FMNL2: variants seen among roughly 807,000 people sequenced by gnomAD.
FMNL2 encodes formin-like protein 2.
In FMNL2, 51 loss-of-function variants were observed where a neutral mutation model predicts 130.2. The observed-to-expected ratio is 0.39, with a 90% CI of 0.31 to 0.49. The LOEUF is 0.49. Among genes scored for constraint, FMNL2 ranks in the 20% least tolerant of loss-of-function variants. The probability of loss-of-function intolerance (pLI) is 0.85; values close to 1 mark genes in which losing one functional copy is unlikely to be tolerated. For missense variants in FMNL2, 977 were observed against 1,316.2 expected (o/e 0.74, Z 3.99); for synonymous variants, 465 against 467.1 (o/e 1.00, Z 0.06).
chr2:152,553,732 G>A (rs1406001245), intron 4 of FMNL2, among the ~76,000 whole-genome samples: 2 of 151,118 alleles, frequency 1.3e-5, no homozygotes, highest in African/African-American at 4.9e-5. Flanking sequence ...TAAAATAAAT[G>A]TTATGTATTA....
chr2:152,554,065 C>G (rs531604293), intron 4 of FMNL2, among the ~76,000 whole-genome samples: 4 of 152,150 alleles, frequency 2.6e-5, no homozygotes, highest in Admixed American at 2.6e-4. Flanking sequence ...TTACAGATAG[C>G]TATAATGTAG....
chr2:152,401,721 G>A (rs150783028), intron 1 of FMNL2, among the ~76,000 whole-genome samples: 2 of 152,036 alleles, frequency 1.3e-5, no homozygotes, highest in East Asian at 3.9e-4. Context: ...GAGTTCTCCA[G>A]GTGCTCCTCT....
chr2:152,583,139 C>T (rs1382982630), intron 9 of FMNL2, among the ~76,000 whole-genome samples: 5 of 152,108 alleles, frequency 3.3e-5, no homozygotes, highest in Admixed American at 1.3e-4. Flanking sequence ...AAGTCTAATA[C>T]CTGGACAATA....
At chr2:152,450,381 G>A (rs1688573686) in intron 1 of FMNL2, among the ~76,000 whole-genome samples, 2 of 152,176 alleles carry the variant, frequency 1.3e-5, no homozygotes, top group South Asian at 2.1e-4. Flanking sequence ...GCAGTGTTCC[G>A]TGGAGCGTGG....
intron 1 of FMNL2, among the ~76,000 whole-genome samples, chr2:152,372,143 A>G (rs1683921150): frequency 6.6e-6 from 1 of 152,188 alleles, no homozygotes; most frequent in Non-Finnish European, 1.5e-5. Flanking sequence ...ATCTCAGGGT[A>G]AGGATTTTTC....
chr2:152,638,845 A>C (rs1363969081), intron 23 of FMNL2, among the ~76,000 whole-genome samples: 3 of 152,234 alleles, frequency 2.0e-5, no homozygotes, highest in Non-Finnish European at 4.4e-5. Flanking sequence ...TTTCACATAA[A>C]AACATGTAAG....
At chr2:152,537,989 G>C (rs1474272989) in intron 2 of FMNL2, among the ~76,000 whole-genome samples, 1 of 152,120 alleles carries the variant, frequency 6.6e-6, no homozygotes, top group Non-Finnish European at 1.5e-5. Flanking sequence ...CTACTTGCCA[G>C]ATATAGAAGC....
intron 1 of FMNL2, among the ~76,000 whole-genome samples, chr2:152,460,309 A>G (rs1030697251): frequency 6.6e-6 from 1 of 152,176 alleles, no homozygotes; most frequent in African/African-American, 2.4e-5. Flanking sequence ...ATATGTTTGA[A>G]TTTGTTTTTA....
At chr2:152,625,289 T>G (rs755636659) in intron 15 of FMNL2, 149 bp from the exon 16 acceptor site, 90 of 848,382 alleles carry the variant, frequency 1.1e-4, no homozygotes, top group South Asian at 5.1e-4. Flanking sequence ...CCATGTGTGT[T>G]GTTTTCCAGC....
intron 1 of FMNL2, among the ~76,000 whole-genome samples, chr2:152,368,383 G>C (rs544811595): frequency 8.5e-5 from 13 of 152,136 alleles, no homozygotes; most frequent in Middle Eastern, 3.4e-3. Flanking sequence ...GAGTGTGGTT[G>C]CTACTAAATA....
At chr2:152,361,658 C>G (rs533661356) in intron 1 of FMNL2, among the ~76,000 whole-genome samples, 2 of 152,262 alleles carry the variant, frequency 1.3e-5, no homozygotes, top group East Asian at 3.9e-4. Context: ...ACTATGAAAG[C>G]TGGAATGACT....
intron 1 of FMNL2, among the ~76,000 whole-genome samples, chr2:152,519,615 C>T (rs534452399): frequency 9.8e-5 from 15 of 152,292 alleles, no homozygotes; most frequent in Admixed American, 9.2e-4. Flanking sequence ...TCCTTGGGAG[C>T]CTAACAGACT....
intron 1 of FMNL2, among the ~76,000 whole-genome samples, chr2:152,418,664 C>A (rs1686746389): frequency 6.6e-6 from 1 of 152,168 alleles, no homozygotes; most frequent in Non-Finnish European, 1.5e-5. Flanking sequence ...CAGTAATACT[C>A]CATTGCATGG....
rs1020148517 is a variant in FMNL2 at position 152,648,757 on chromosome 2, T to A, written c.*852T>A. ...TTCAAGGTTACATCTGCTAGCAGAG[T>A]AGTGTTAGGAACCTGGCCTTACTCT... On this transcript the variant is annotated 3_prime_UTR_variant, in exon 26 of 26. Transcript: ENST00000288670. The A allele has an allele frequency of 1.3e-5, 2 of 152,538 alleles. No individual in the cohort carries two copies. The highest frequency in any genetic ancestry group is 4.8e-5 in the African/African-American group (2 of 41,436). The allele number at this position is 152,538 out of a possible 1,614,324, so 9.4% of individuals were successfully genotyped here.
chr2:152,558,656 A>C (rs6705427), intron 4 of FMNL2, 84 bp from the exon 5 acceptor site: 766,220 of 1,313,646 alleles, frequency 0.58, 225,245 homozygotes, highest in Non-Finnish European at 0.6. Context: ...CTGGTGGAAA[A>C]AACAAAACTT....
chr2:152,509,914 A>T (rs1692403371), intron 1 of FMNL2, among the ~76,000 whole-genome samples: 1 of 151,468 alleles, frequency 6.6e-6, no homozygotes, highest in South Asian at 2.1e-4. Context: ...CTGGCCAATT[A>T]AAAAAGTTTC....
Position 152,581,036 on chromosome 2 carries a change from A to G in FMNL2, c.863A>G (p.Asp288Gly), listed in dbSNP as rs1696748984. Reference protein sequence around the residue: ...GGHEIILSAFDNFKEVCGEKQ... With the variant: ...GGHEIILSAFGNFKEVCGEKQ... ...CATGAAATCATTTTATCAGCATTTG[A>G]TAACTTTAAAGAGGTAGGCTACACT... The change falls in exon 9 of 26, where the codon GAT becomes GGT. Residue 288 changes from aspartate (D) to glycine (G), a missense_variant. By Grantham distance (94) the Asp-to-Gly change is moderately conservative. This residue lies in a region of FMNL2 where 689 missense variants were observed against 995.9 expected (regional missense o/e 0.69). Coordinates refer to ENST00000288670, the MANE Select transcript of FMNL2 (RefSeq NM_052905.4). 3 of 1,613,734 alleles carry G rather than the reference A, an allele frequency of 1.9e-6. No homozygotes were observed. Among genetic ancestry groups the G allele is most frequent in the South Asian group, 1.1e-5 (1 of 91,078 alleles).
intron 9 of FMNL2, among the ~76,000 whole-genome samples, chr2:152,593,023 A>G (rs1697520897): frequency 6.6e-6 from 1 of 152,208 alleles, no homozygotes; most frequent in Non-Finnish European, 1.5e-5. Flanking sequence ...CAGGGTGATC[A>G]GGAAGGGAAG....
intron 15 of FMNL2, chr2:152,622,481 T>C: frequency 2.2e-6 from 1 of 456,742 alleles, no homozygotes; most frequent in South Asian, 1.5e-5. Flanking sequence ...GCCACTTGAC[T>C]CTAACCATAT....
Sources: allele counts gnomAD v4.1 joint callset (sites outside exome capture counted in the v4.1 genomes callset), GRCh38; gene constraint gnomAD v4.1.1; regional missense constraint gnomAD v4.1.1; transcripts MANE v1.5; gene names NCBI Gene and HGNC (gene_info 2026-07-23, HGNC 2026-07-21).